CSTPP1: variants seen among roughly 807,000 people sequenced by gnomAD.
The protein encoded by CSTPP1 is UPF0705 protein C11orf49.
chr11:47,095,958 C>T, the CSTPP1 span, among the ~76,000 whole-genome samples: 1 of 152,062 alleles, frequency 6.6e-6, no homozygotes, highest in Admixed American at 6.6e-5. Context: ...AACTACATAA[C>T]AACTAAGGGT....
the CSTPP1 span, chr11:47,160,293 C>CT: frequency 9.0e-6 from 1 of 111,248 alleles, no homozygotes; most frequent in African/African-American, 4.1e-5. Context: ...AAGCAAAACT[C>CT]TGTCTCAAAA....
chr11:47,102,451 G>T, the CSTPP1 span, among the ~76,000 whole-genome samples: 1 of 151,776 alleles, frequency 6.6e-6, no homozygotes, highest in African/African-American at 2.4e-5. Context: ...AGGCAATATT[G>T]CCTCCAAGGG....
chr11:47,038,654 G>T, the CSTPP1 span, among the ~76,000 whole-genome samples: 2 of 121,620 alleles, frequency 1.6e-5, no homozygotes, highest in African/African-American at 5.1e-5. Flanking sequence ...CTCTCTCCCG[G>T]ACGGGGTGGC....
chr11:47,130,239 G>A, the CSTPP1 span, among the ~76,000 whole-genome samples: 2 of 150,202 alleles, frequency 1.3e-5, no homozygotes, highest in African/African-American at 4.9e-5. Context: ...CCTGGCGACA[G>A]AGCAAGACTC....
the CSTPP1 span, chr11:47,160,914 A>G: frequency 1.7e-6 from 1 of 604,456 alleles, no homozygotes; most frequent in Non-Finnish European, 2.9e-6. Flanking sequence ...AGGCAGGGAA[A>G]GTAGGCAGTG....
At chr11:47,107,523 CTA>C in the CSTPP1 span, among the ~76,000 whole-genome samples, 1 of 152,148 alleles carries the variant, frequency 6.6e-6, no homozygotes, top group Admixed American at 6.5e-5. Context: ...GCAGTCCACT[CTA>C]TCTCAGGGAG....
chr11:47,013,342 C>T, the CSTPP1 span, among the ~76,000 whole-genome samples: 1 of 151,938 alleles, frequency 6.6e-6, no homozygotes, highest in African/African-American at 2.4e-5. Flanking sequence ...CATCTCTCAA[C>T]CCATCACCTA....
the CSTPP1 span, among the ~76,000 whole-genome samples, chr11:46,995,500 G>T: frequency 6.6e-6 from 1 of 152,188 alleles, no homozygotes. Context: ...TGGTTTCAAA[G>T]AACATCTTTA....
At chr11:46,952,949 G>A in the CSTPP1 span, among the ~76,000 whole-genome samples, 3 of 152,190 alleles carry the variant, frequency 2.0e-5, no homozygotes, top group Non-Finnish European at 4.4e-5. Flanking sequence ...TTTCCAGAGA[G>A]CTAGTTTTAC....
chr11:47,067,662 C>G, the CSTPP1 span, among the ~76,000 whole-genome samples: 3 of 152,200 alleles, frequency 2.0e-5, no homozygotes, highest in Admixed American at 6.5e-5. Flanking sequence ...AAGGAGAGAG[C>G]CTTTACCAGA....
chr11:47,008,497 C>G, the CSTPP1 span, among the ~76,000 whole-genome samples: 2 of 150,846 alleles, frequency 1.3e-5, no homozygotes, highest in Admixed American at 6.6e-5. Context: ...TCTGAGGTTT[C>G]TTTTTTTTTA....
At chr11:47,076,834 CAA>C in the CSTPP1 span, among the ~76,000 whole-genome samples, 9 of 119,096 alleles carry the variant, frequency 7.6e-5, no homozygotes, top group Admixed American at 8.7e-5. Context: ...ACTCTGTCTC[CAA>C]AAAAAAAAAA....
At chr11:46,968,061 AGAG>A in the CSTPP1 span, among the ~76,000 whole-genome samples, 14 of 151,170 alleles carry the variant, frequency 9.3e-5, no homozygotes, top group African/African-American at 3.1e-4. Flanking sequence ...GGGTCAGAAC[AGAG>A]GAGACTTCTT....
the CSTPP1 span, among the ~76,000 whole-genome samples, chr11:47,140,241 G>C: frequency 6.6e-6 from 1 of 151,442 alleles, no homozygotes; most frequent in African/African-American, 2.4e-5. Context: ...CGCAGTTCAG[G>C]TTTTATAATT....
chr11:47,017,575 C>A, the CSTPP1 span, among the ~76,000 whole-genome samples: 9 of 152,168 alleles, frequency 5.9e-5, no homozygotes, highest in African/African-American at 2.2e-4. Context: ...TGTCTCCCAA[C>A]GCAAACCCCT....
At chr11:47,110,953 A>T in the CSTPP1 span, among the ~76,000 whole-genome samples, 1 of 148,548 alleles carries the variant, frequency 6.7e-6, no homozygotes, top group African/African-American at 2.5e-5. Context: ...GCAGTGGCGC[A>T]ATCACGGCTC....
At chr11:47,075,763 C>G in the CSTPP1 span, among the ~76,000 whole-genome samples, 1 of 151,586 alleles carries the variant, frequency 6.6e-6, no homozygotes, top group East Asian at 1.9e-4. Flanking sequence ...TACAAAAATA[C>G]AAAAATTAGC....
chr11:47,164,216 G>A, the CSTPP1 span: 312 of 1,613,720 alleles, frequency 1.9e-4, no homozygotes, highest in Non-Finnish European at 2.4e-4. Flanking sequence ...CTTCGGTACC[G>A]ACGCCCTACC....
chr11:46,988,964 G>A, the CSTPP1 span, among the ~76,000 whole-genome samples: 1 of 152,148 alleles, frequency 6.6e-6, no homozygotes, highest in Non-Finnish European at 1.5e-5. Flanking sequence ...AGGCATGGTG[G>A]CTCAAACCCG....
Sources: gnomAD v4.1 joint callset for allele counts (sites outside exome capture counted in the v4.1 genomes callset) on GRCh38, gnomAD v4.1.1 for gene constraint, MANE v1.5 for transcripts, NCBI Gene and HGNC (gene_info 2026-07-23, HGNC 2026-07-21) for gene names.